Variants in STARD13 observed in about 807,000 individuals in gnomAD.
STARD13 encodes the protein StAR related lipid transfer domain containing 13.
In STARD13, 62 loss-of-function variants were observed where a neutral mutation model predicts 106.4. The observed-to-expected ratio is 0.58, with a 90% CI of 0.48 to 0.72. The LOEUF is 0.72. STARD13 is among the 30% of genes least tolerant of loss of function. The probability of loss-of-function intolerance (pLI) is 0.00; values close to 1 mark genes in which losing one functional copy is unlikely to be tolerated. For missense variants in STARD13, 1,387 were observed against 1,424.0 expected (o/e 0.97, Z 0.42); for synonymous variants, 565 against 553.0 (o/e 1.02, Z -0.31).
rs150998335 is a variant in STARD13 at position 33,284,869 on chromosome 13, T to C, written c.169+601A>G. On this transcript the variant is annotated intron_variant, in intron 1 of 13. Transcript: ENST00000336934. ...TTTGCATTAGGAAGCTGGAGTTTTG[T>C]GTGCAGGTTACGGGATTTGTTTTGA... Among the ~76,000 whole-genome samples, 38 of 152,298 alleles carry C rather than the reference T, an allele frequency of 2.5e-4. 1 individual carries two copies. Among genetic ancestry groups the C allele is most frequent in the Non-Finnish European group, 4.4e-4 (30 of 68,036 alleles).
At chr13:33,532,184 C>T in the STARD13 span, among the ~76,000 whole-genome samples, 1 of 152,082 alleles carries the variant, frequency 6.6e-6, no homozygotes, top group African/African-American at 2.4e-5. Context: ...CTTTTTGCTA[C>T]AAAGTAAGTT....
At chr13:33,307,203 C>T (rs562943539) in intron 1 of STARD13, among the ~76,000 whole-genome samples, 16 of 152,200 alleles carry the variant, frequency 1.1e-4, no homozygotes, top group African/African-American at 2.4e-4. Flanking sequence ...TTTACACGGT[C>T]GGTGGGGATG....
At chr13:33,231,455 C>T (rs966222641) in intron 1 of STARD13, among the ~76,000 whole-genome samples, 11 of 152,206 alleles carry the variant, frequency 7.2e-5, no homozygotes, top group African/African-American at 2.7e-4. Flanking sequence ...AGGGCTTACT[C>T]AGGCTGGCCT....
intron 1 of STARD13, among the ~76,000 whole-genome samples, chr13:33,264,497 G>A (rs77546410): frequency 0.027 from 4,039 of 152,246 alleles, 94 homozygotes; most frequent in Non-Finnish European, 0.041. Flanking sequence ...GGCAATTAGG[G>A]TCACGTATTT....
At chr13:33,222,106 A>T (rs1021412217) in intron 1 of STARD13, among the ~76,000 whole-genome samples, 1 of 151,980 alleles carries the variant, frequency 6.6e-6, no homozygotes, top group Non-Finnish European at 1.5e-5. Flanking sequence ...CCGAGATCAC[A>T]CCACTGCACT....
chr13:33,130,068 A>G lies in STARD13; in HGVS notation c.609T>C (p.Ser203=), dbSNP rs139465635. The change falls in exon 5 of 14, where the codon AGT becomes AGC. Residue 203 remains serine (S), a synonymous_variant. Coordinates refer to ENST00000336934, the MANE Select transcript of STARD13 (RefSeq NM_178006.4). This position sits in a 1 kb window ranked among gnomAD's most constrained non-coding sequence, Gnocchi z 4.1. ...PEVCSIHSES[S]GGSDSRSQPG... ...GCTGGCTGCGACTGTCGCTGCCTCC[A>G]CTGCTTTCGCTGTGAATGGAGCAGA... The G allele has an allele frequency of 2.3e-4, 368 of 1,613,954 alleles. 1 individual carries two copies. The African/African-American group carries it at 4.3e-3, about 19-fold the overall frequency.
the STARD13 span, among the ~76,000 whole-genome samples, chr13:33,532,523 G>A: frequency 6.6e-6 from 1 of 151,946 alleles, no homozygotes; most frequent in Non-Finnish European, 1.5e-5. Flanking sequence ...ATTTCTTCTG[G>A]TCCCTGGATT....
the STARD13 span, among the ~76,000 whole-genome samples, chr13:33,550,214 C>G: frequency 6.6e-6 from 1 of 152,114 alleles, no homozygotes; most frequent in East Asian, 1.9e-4. Context: ...GCCACTAGTA[C>G]CAAATGTTTG....
At chr13:33,513,353 G>A in the STARD13 span, among the ~76,000 whole-genome samples, 16 of 152,114 alleles carry the variant, frequency 1.1e-4, no homozygotes, top group African/African-American at 1.9e-4. Context: ...GGTCTGAGGC[G>A]TGGTCTCCAA....
chr13:33,434,004 C>T, the STARD13 span, among the ~76,000 whole-genome samples: 2 of 152,048 alleles, frequency 1.3e-5, no homozygotes, highest in Admixed American at 1.3e-4. Context: ...AATAGTCAGC[C>T]CTCCATGATA....
At chr13:33,353,877 C>T (rs558073249), upstream of STARD13, among the ~76,000 whole-genome samples, 1 of 152,220 alleles carries the variant, frequency 6.6e-6, no homozygotes, top group African/African-American at 2.4e-5. Context: ...TCCATAAGAG[C>T]TGAGGCCCTG....
chr13:33,314,235 A>G (rs1288347013), intron 1 of STARD13, among the ~76,000 whole-genome samples: 1 of 152,142 alleles, frequency 6.6e-6, no homozygotes, highest in Non-Finnish European at 1.5e-5. Flanking sequence ...GAGGGATAAG[A>G]ACTGGATAGG....
At chr13:33,255,101 C>CG (rs1186233579) in intron 1 of STARD13, among the ~76,000 whole-genome samples, 3 of 143,264 alleles carry the variant, frequency 2.1e-5, no homozygotes, top group Non-Finnish European at 4.7e-5. Flanking sequence ...TGTGTGCTCC[C>CG]CCCCCCCTCA....
the STARD13 span, chr13:33,657,422 T>TAA: frequency 6.6e-6 from 1 of 152,228 alleles, no homozygotes; most frequent in Non-Finnish European, 1.5e-5. Context: ...ACATGATCCC[T>TAA]GTCGTTACAG....
intron 1 of STARD13, among the ~76,000 whole-genome samples, chr13:33,330,575 T>C (rs998400904): frequency 2.0e-5 from 3 of 152,214 alleles, no homozygotes; most frequent in Non-Finnish European, 4.4e-5. Flanking sequence ...TATGAACAAA[T>C]AAATATAGCC....
the STARD13 span, among the ~76,000 whole-genome samples, chr13:33,434,485 G>A: frequency 1.0e-3 from 157 of 152,008 alleles, no homozygotes; most frequent in Admixed American, 1.7e-3. Flanking sequence ...AAGTGAGGAC[G>A]ATACTTCCAA....
the STARD13 span, among the ~76,000 whole-genome samples, chr13:33,460,107 G>T: frequency 6.6e-6 from 1 of 152,034 alleles, no homozygotes; most frequent in Non-Finnish European, 1.5e-5. Context: ...TAAAATTTAG[G>T]CCATTATGTC....
chr13:33,416,261 G>C, the STARD13 span, among the ~76,000 whole-genome samples: 1 of 152,184 alleles, frequency 6.6e-6, no homozygotes, highest in East Asian at 1.9e-4. Flanking sequence ...TATCAATCTA[G>C]TAAGAAAAGT....
chr13:33,350,282 G>A (rs2078062856), intron 1 of STARD13: 9 of 1,529,934 alleles, frequency 5.9e-6, no homozygotes, highest in East Asian at 5.0e-5. Context: ...CGTCTCCGGG[G>A]CACTGACCTG....
Sources: gnomAD v4.1 joint callset for allele counts (sites outside exome capture counted in the v4.1 genomes callset) on GRCh38, gnomAD v4.1.1 for gene constraint, Gnocchi (gnomAD v3.1) non-coding constraint, MANE v1.5 for transcripts, NCBI Gene and HGNC (gene_info 2026-07-23, HGNC 2026-07-21) for gene names.